The following MTPAP variants were observed in gnomAD, a reference collection of about 807,000 sequenced individuals.
The protein encoded by MTPAP is mitochondrial poly(A) polymerase.
MTPAP carries 23 observed loss-of-function variants against 48.7 expected under a neutral mutation model. The ratio of observed to expected loss-of-function variants is 0.47; its 90% CI spans 0.34 to 0.67. The LOEUF is 0.67. Ranked by LOEUF, MTPAP falls within the 30% of genes least tolerant of loss-of-function variation. The pLI is 0.01. For missense variants in MTPAP, 614 were observed against 694.3 expected, an observed-to-expected ratio of 0.88 and a Z score of 1.30; for synonymous variants, 257 against 254.1, an observed-to-expected ratio of 1.01 and a Z score of -0.11.
At chr10:30,338,920 G>A (rs745487434) in intron 3 of MTPAP, among the ~76,000 whole-genome samples, 3 of 151,780 alleles carry the variant, frequency 2.0e-5, no homozygotes, top group Non-Finnish European at 4.4e-5. Context: ...TCAGGAGATC[G>A]AGACCATCCT....
intron 1 of MTPAP, among the ~76,000 whole-genome samples, chr10:30,342,109 G>A (rs1396609569): frequency 1.3e-5 from 2 of 152,006 alleles, no homozygotes; most frequent in Admixed American, 6.6e-5. Context: ...GGTGGCGCGC[G>A]CCTGTAGTCC....
At chr10:30,331,728 G>A (rs1008233098) in intron 4 of MTPAP, among the ~76,000 whole-genome samples, 5 of 152,144 alleles carry the variant, frequency 3.3e-5, no homozygotes, top group East Asian at 1.9e-4. Context: ...CATCATGCCC[G>A]GCTAATTTTT....
At position 30,332,966 on chromosome 10, in the gene MTPAP, A is replaced by G. The variant is rs532872347; in HGVS notation, c.780+3837T>C. Among the ~76,000 whole-genome samples, 394 of 151,758 alleles carry G rather than the reference A, an allele frequency of 2.6e-3. 1 individual carries two copies. The highest frequency in any genetic ancestry group is 9.1e-3 in the African/African-American group (375 of 41,372). ...GAAACTCCATCTCTACTAAAAATAC[A>G]AAAAATTAGCTGGGCGTGGTGGCGG... On this transcript the variant is annotated intron_variant, in intron 4 of 8. Coordinates refer to ENST00000263063, the MANE Select transcript of MTPAP (RefSeq NM_018109.4).
rs1046082723 is a variant in MTPAP, at chr10:30,326,759, C to T, written c.781-124G>A. 3 of 749,712 alleles carry T rather than the reference C, an allele frequency of 4.0e-6. No individual in the cohort carries two copies. In the African/African-American group the frequency reaches 5.4e-5, roughly 13 times the overall value. 46.4% of individuals were successfully genotyped at this position (749,712 alleles called of 1,614,324 possible). ...CAAAACAAAATAAGAAAAAAACAAC[C>T]CACAAAATAAAAACTCTTCAAGAAA... is the stretch of plus-strand genomic sequence containing the variant. On this transcript the variant is annotated intron_variant, in intron 4 of 8. Transcript: ENST00000263063.
chr10:30,314,030 AAC>A (rs1288149304), intron 8 of MTPAP, 59 bp from the exon 9 acceptor site: 2 of 1,544,316 alleles, frequency 1.3e-6, no homozygotes, highest in African/African-American at 1.4e-5. Context: ...TAAATATAAA[AAC>A]AGTTAACTCA....
chr10:30,323,473 A>G (rs1204989133), intron 5 of MTPAP, among the ~76,000 whole-genome samples: 3 of 150,844 alleles, frequency 2.0e-5, no homozygotes, highest in African/African-American at 7.3e-5. Flanking sequence ...AAAAAAAAAA[A>G]GAAATAAAGA....
Position 30,313,363 on chromosome 10 carries a change from G to A in MTPAP, c.*246C>T. 4.0e-6 allele frequency: 2 copies of A among 495,962 alleles called. No homozygotes were observed. Among genetic ancestry groups the A allele is most frequent in the Non-Finnish European group, 3.6e-6 (1 of 277,414 alleles). The allele number at this position is 495,962 out of a possible 1,614,324, so 30.7% of individuals were successfully genotyped here. A position where few individuals can be genotyped will look rare whatever the true frequency, so the allele number is the denominator to read the frequency against. On this transcript the variant is annotated 3_prime_UTR_variant, in exon 9 of 9. Transcript: ENST00000263063. Reference sequence around the variant, plus strand: ...TCCTGCCTCAGCCTCCTGAGCAGCTGGGACTACAGGTGTGCACCGCCACAC... The same window carrying A: ...TCCTGCCTCAGCCTCCTGAGCAGCTAGGACTACAGGTGTGCACCGCCACAC...
chr10:30,329,464 G>A (rs533127928), intron 4 of MTPAP, among the ~76,000 whole-genome samples: 1 of 152,054 alleles, frequency 6.6e-6, no homozygotes, highest in East Asian at 1.9e-4. Context: ...GAACTCCTGA[G>A]CTCAAGTGAT....
intron 5 of MTPAP, among the ~76,000 whole-genome samples, chr10:30,323,128 CAAAAAAAAA>C (rs201987154): frequency 3.6e-4 from 31 of 86,524 alleles, no homozygotes; most frequent in African/African-American, 1.2e-3. Context: ...GACTCCGTTT[CAAAAAAAAA>C]AAAAAAAAAA....
intron 4 of MTPAP, among the ~76,000 whole-genome samples, chr10:30,334,644 G>A (rs1359803732): frequency 1.3e-5 from 2 of 152,118 alleles, no homozygotes; most frequent in Non-Finnish European, 2.9e-5. Context: ...CTGGGTGACC[G>A]AGTGAAGCTC....
intron 3 of MTPAP, among the ~76,000 whole-genome samples, chr10:30,339,383 C>T (rs1834771579): frequency 6.7e-6 from 1 of 149,074 alleles, no homozygotes; most frequent in Non-Finnish European, 1.5e-5. Context: ...GCTACTTGGG[C>T]AGCTGAGGCA....
intron 6 of MTPAP, among the ~76,000 whole-genome samples, chr10:30,317,916 G>A (rs769286755): frequency 3.3e-5 from 5 of 151,882 alleles, no homozygotes; most frequent in African/African-American, 7.3e-5. Flanking sequence ...GTGCAGTGGC[G>A]GCGTGACCTT....
At chr10:30,344,696 C>T (rs1158270145) in intron 1 of MTPAP, among the ~76,000 whole-genome samples, 1 of 152,102 alleles carries the variant, frequency 6.6e-6, no homozygotes, top group African/African-American at 2.4e-5. Flanking sequence ...TAAAGTCAAA[C>T]AGCATAGAAT....
chr10:30,324,358 A>C (rs1297980614), intron 5 of MTPAP, among the ~76,000 whole-genome samples: 1 of 152,098 alleles, frequency 6.6e-6, no homozygotes, highest in Non-Finnish European at 1.5e-5. Context: ...AAAATAAAAA[A>C]TGTATATATA....
intron 4 of MTPAP, among the ~76,000 whole-genome samples, chr10:30,328,623 G>A (rs140818369): frequency 1.3e-5 from 2 of 152,262 alleles, no homozygotes; most frequent in East Asian, 1.9e-4. Flanking sequence ...TGTTTATCAT[G>A]GACATCTACC....
chr10:30,326,770 A>C (rs1834603262), intron 4 of MTPAP, 135 bp from the exon 5 acceptor site: 1 of 704,586 alleles, frequency 1.4e-6, no homozygotes, highest in Non-Finnish European at 2.4e-6. Context: ...CACAAAATAA[A>C]AACTCTTCAA....
In MTPAP at chr10:30,326,650, C is replaced by A; in HGVS notation, c.781-15G>T. On this transcript the variant is annotated splice_polypyrimidine_tract_variant and intron_variant, in intron 4 of 8. Coordinates refer to ENST00000263063, the MANE Select transcript of MTPAP (RefSeq NM_018109.4). ...TTTCCTGAGATCTGAAAAATAAACA[C>A]ATTTCTAAATAGGAGCTTTTGGTAA... 1 of 1,597,756 alleles carries A rather than the reference C, an allele frequency of 6.3e-7. No homozygotes were observed. The highest frequency in any genetic ancestry group is 1.7e-4 in the Middle Eastern group (1 of 6,012).
At position 30,312,575 on chromosome 10, in the gene MTPAP, A is replaced by C. The variant is rs1840607783; in HGVS notation, c.*1034T>G. Reference sequence around the variant, plus strand: ...ACAGAGCGAGACTCTGTCTCAAAAAAAAAAAAAAAAAAAAAAGAAAGAAAG... The same window carrying C: ...ACAGAGCGAGACTCTGTCTCAAAAACAAAAAAAAAAAAAAAAGAAAGAAAG... On this transcript the variant is annotated 3_prime_UTR_variant, in exon 9 of 9. Coordinates refer to ENST00000263063, the MANE Select transcript of MTPAP (RefSeq NM_018109.4). 1 of 138,784 alleles carries C rather than the reference A, an allele frequency of 7.2e-6. No homozygotes were observed. The highest frequency in any genetic ancestry group is 2.2e-4 in the South Asian group (1 of 4,604). The allele number at this position is 138,784 out of a possible 1,614,324, so 8.6% of individuals were successfully genotyped here.
chr10:30,328,519 C>T (rs1323609807), intron 4 of MTPAP, among the ~76,000 whole-genome samples: 13 of 152,220 alleles, frequency 8.5e-5, no homozygotes, highest in Admixed American at 4.6e-4. Context: ...GTGGTATACA[C>T]CTTTTGGGAG....
Sources: allele counts gnomAD v4.1 joint callset (sites outside exome capture counted in the v4.1 genomes callset), GRCh38; gene constraint gnomAD v4.1.1; transcripts MANE v1.5; gene names NCBI Gene and HGNC (gene_info 2026-07-23, HGNC 2026-07-21).